LSAMP: variants seen among roughly 807,000 people sequenced by gnomAD.
The protein encoded by LSAMP is limbic system-associated membrane protein.
LSAMP carries 7 observed loss-of-function variants against 38.6 expected under a neutral mutation model. That is an observed-to-expected ratio of 0.18 (90% CI 0.10 to 0.34). LSAMP has a LOEUF of 0.34. Among genes scored for constraint, LSAMP ranks in the 10% least tolerant of loss-of-function variants. LSAMP has a pLI of 1.00. For missense variants in LSAMP, 313 were observed against 420.0 expected (o/e 0.75, Z 2.23); for synonymous variants, 154 against 166.8 (o/e 0.92, Z 0.59).
intron 2 of LSAMP, among the ~76,000 whole-genome samples, chr3:116,043,153 T>C (rs1488785646): frequency 6.6e-6 from 1 of 152,230 alleles, no homozygotes; most frequent in Non-Finnish European, 1.5e-5. Context: ...TTCCACTTAA[T>C]TAAAAATTGA....
At chr3:116,366,108 T>C (rs1186685112) in intron 1 of LSAMP, among the ~76,000 whole-genome samples, 1 of 146,722 alleles carries the variant, frequency 6.8e-6, no homozygotes, top group African/African-American at 2.5e-5. Context: ...GAGAAAATTT[T>C]TGCAGTCTAT....
At chr3:115,879,495 AAAT>A (rs1936268311) in intron 3 of LSAMP, among the ~76,000 whole-genome samples, 1 of 152,160 alleles carries the variant, frequency 6.6e-6, no homozygotes, top group African/African-American at 2.4e-5. Context: ...TTTATACTGT[AAAT>A]AATAAATAAA....
intron 1 of LSAMP, among the ~76,000 whole-genome samples, chr3:116,386,615 G>A (rs918279044): frequency 2.6e-5 from 4 of 152,166 alleles, no homozygotes; most frequent in African/African-American, 9.7e-5. Context: ...TAGGAATGCA[G>A]ACGCACATCA....
chr3:116,180,545 G>A (rs188046390), intron 1 of LSAMP, among the ~76,000 whole-genome samples: 1 of 151,942 alleles, frequency 6.6e-6, no homozygotes, highest in Non-Finnish European at 1.5e-5. Flanking sequence ...AATAGAAAAA[G>A]GTCACACAAT....
At chr3:116,112,967 T>C (rs1039247796) in intron 1 of LSAMP, among the ~76,000 whole-genome samples, 3 of 144,900 alleles carry the variant, frequency 2.1e-5, no homozygotes, top group African/African-American at 8.7e-5. Flanking sequence ...ATTCCAGTAC[T>C]CATTTTTTTT....
intron 1 of LSAMP, among the ~76,000 whole-genome samples, chr3:116,240,498 A>G (rs187265012): frequency 2.0e-5 from 3 of 152,332 alleles, no homozygotes; most frequent in Non-Finnish European, 2.9e-5. Context: ...GTTTGTACTA[A>G]GTATGGTTGG....
At chr3:116,047,356 T>TA (rs1239943178) in intron 2 of LSAMP, among the ~76,000 whole-genome samples, 1 of 143,344 alleles carries the variant, frequency 7.0e-6, no homozygotes, top group Non-Finnish European at 1.5e-5. Flanking sequence ...GTGTCTTTCT[T>TA]AAAATACGAA....
At chr3:116,152,965 C>T (rs1355410017) in intron 1 of LSAMP, among the ~76,000 whole-genome samples, 2 of 152,040 alleles carry the variant, frequency 1.3e-5, no homozygotes, top group East Asian at 3.9e-4. Context: ...CTCAGCTATA[C>T]AAATATATAA....
At chr3:116,024,193 T>C (rs1940723232) in intron 2 of LSAMP, among the ~76,000 whole-genome samples, 1 of 152,198 alleles carries the variant, frequency 6.6e-6, no homozygotes, top group African/African-American at 2.4e-5. Flanking sequence ...TACTTACCTG[T>C]GCCTTTCACT....
intron 3 of LSAMP, among the ~76,000 whole-genome samples, chr3:115,928,973 GT>G (rs67711628): frequency 0.019 from 2,134 of 109,910 alleles, 51 homozygotes; most frequent in African/African-American, 0.069. Flanking sequence ...TTTTTTGTTT[GT>G]TTTTTTTTTT....
intron 1 of LSAMP, among the ~76,000 whole-genome samples, chr3:116,317,079 G>A (rs1000552621): frequency 2.0e-5 from 3 of 152,134 alleles, no homozygotes; most frequent in African/African-American, 7.2e-5. Flanking sequence ...GGACCAATCA[G>A]CAGGACAAGG....
At chr3:116,223,272 T>C (rs1559789362) in intron 1 of LSAMP, among the ~76,000 whole-genome samples, 1 of 152,244 alleles carries the variant, frequency 6.6e-6, no homozygotes, top group Non-Finnish European at 1.5e-5. Context: ...ATGACATTTC[T>C]AGAAATACTA....
rs1933677230 is a variant in LSAMP at position 115,808,112 on chromosome 3, C to CCTA, written c.*2204_*2205insTAG. The CCTA allele has an allele frequency of 3.9e-5, 1 of 25,924 alleles. No individual in the cohort carries two copies. The highest frequency in any genetic ancestry group is 3.7e-4 in the Admixed American group (1 of 2,736). 1.6% of individuals were successfully genotyped at this position (25,924 alleles called of 1,614,324 possible). A position where few individuals can be genotyped will look rare whatever the true frequency, so the allele number is the denominator to read the frequency against. On this transcript the variant is annotated 3_prime_UTR_variant, in exon 7 of 7. Transcript: ENST00000490035. Reference sequence around the variant, plus strand: ...TTCCTTCCTTCCTTCCTTCCTTCCTCCCTCCCTCCCTCCCTCCCTCCCTCC... The same window carrying CCTA: ...TTCCTTCCTTCCTTCCTTCCTTCCTCCTACCTCCCTCCCTCCCTCCCTCCCTCC...
At chr3:116,267,467 C>T (rs1189756675) in intron 1 of LSAMP, among the ~76,000 whole-genome samples, 1 of 152,104 alleles carries the variant, frequency 6.6e-6, no homozygotes, top group Non-Finnish European at 1.5e-5. Context: ...ACTATACTCC[C>T]TTTTCCCTGG....
chr3:116,054,191 T>C (rs1243602730), intron 2 of LSAMP, among the ~76,000 whole-genome samples: 1 of 152,204 alleles, frequency 6.6e-6, no homozygotes, highest in Non-Finnish European at 1.5e-5. Context: ...GCAGCATCAA[T>C]AATCTCTTTT....
At chr3:115,861,156 T>G (rs996414791) in intron 3 of LSAMP, among the ~76,000 whole-genome samples, 6 of 94,380 alleles carry the variant, frequency 6.4e-5, no homozygotes, top group Non-Finnish European at 1.2e-4. Flanking sequence ...CTTCCTTCCT[T>G]CCTTCCTTCC....
rs1158021335 is a variant in LSAMP, at chr3:115,804,130, A to T, written c.*6187T>A. The T allele has an allele frequency of 6.6e-6, 1 of 152,200 alleles. No individual in the cohort carries two copies. Among genetic ancestry groups the T allele is most frequent in the Non-Finnish European group, 1.5e-5 (1 of 68,028 alleles). 9.4% of individuals were successfully genotyped at this position (152,200 alleles called of 1,614,324 possible). A position where few individuals can be genotyped will look rare whatever the true frequency, so the allele number is the denominator to read the frequency against. On this transcript the variant is annotated 3_prime_UTR_variant, in exon 7 of 7. Coordinates refer to ENST00000490035, the MANE Select transcript of LSAMP (RefSeq NM_002338.5). Reference sequence around the variant, plus strand: ...TTGATCAGAAAAAATTTACAGACCCAGTCCAGAGTCCCTGTATTCTAGCAG... The same window carrying T: ...TTGATCAGAAAAAATTTACAGACCCTGTCCAGAGTCCCTGTATTCTAGCAG...
chr3:116,098,373 C>G (rs888284604), intron 1 of LSAMP, among the ~76,000 whole-genome samples: 60 of 152,076 alleles, frequency 3.9e-4, no homozygotes, highest in African/African-American at 1.4e-3. Flanking sequence ...GTGGCGCATG[C>G]CTGTAATCCC....
chr3:115,975,184 C>T (rs1939145839), intron 3 of LSAMP, among the ~76,000 whole-genome samples: 1 of 152,028 alleles, frequency 6.6e-6, no homozygotes, highest in South Asian at 2.1e-4. Context: ...GTTTAGAAGC[C>T]TGAGGCAGAT....
Sources: gnomAD v4.1 joint callset for allele counts (sites outside exome capture counted in the v4.1 genomes callset) on GRCh38, gnomAD v4.1.1 for gene constraint, MANE v1.5 for transcripts, NCBI Gene and HGNC (gene_info 2026-07-23, HGNC 2026-07-21) for gene names.